PPFIA1: variants seen among roughly 807,000 people sequenced by gnomAD.
PPFIA1 encodes the protein PPFI scaffold protein A1, also known as liprin-alpha-1.
In PPFIA1, 25 loss-of-function variants were observed where a neutral mutation model predicts 149.9. The ratio of observed to expected loss-of-function variants is 0.17; its 90% CI spans 0.12 to 0.23. PPFIA1 has a LOEUF of 0.23. PPFIA1 is among the 10% of genes least tolerant of loss of function. PPFIA1 has a pLI of 1.00. For missense variants in PPFIA1, 1,362 were observed against 1,506.5 expected (o/e 0.90, Z 1.59); for synonymous variants, 549 against 552.8 (o/e 0.99, Z 0.10).
chr11:70,353,830 C>T (rs546346086), intron 16 of PPFIA1, among the ~76,000 whole-genome samples: 22 of 152,282 alleles, frequency 1.4e-4, no homozygotes, highest in Admixed American at 1.3e-3. Context: ...GACAATTTTG[C>T]CCAAGTGGTT....
intron 17 of PPFIA1, among the ~76,000 whole-genome samples, chr11:70,354,928 A>G (rs1380543735): frequency 6.6e-6 from 1 of 151,924 alleles, no homozygotes; most frequent in Non-Finnish European, 1.5e-5. Context: ...CTAGTATGCT[A>G]TCTATGCTAT....
At chr11:70,356,346 G>A (rs191800791) in intron 19 of PPFIA1, 92 bp downstream of exon 19, 3 of 885,344 alleles carry the variant, frequency 3.4e-6, no homozygotes, top group South Asian at 3.0e-5. Context: ...AGCTAGCTAT[G>A]TATATATACA....
Position 70,279,183 on chromosome 11 carries a change from G to C in PPFIA1, c.264+6747G>C, listed in dbSNP as rs2050591653. 29 of 440,182 alleles carry C rather than the reference G, an allele frequency of 6.6e-5. 1 individual carries two copies. In the South Asian group the frequency reaches 8.6e-4, roughly 13 times the overall value. 27.3% of individuals were successfully genotyped at this position (440,182 alleles called of 1,614,324 possible). On this transcript the variant is annotated intron_variant, in intron 2 of 27. Transcript: ENST00000253925. Reference sequence around the variant, plus strand: ...CACACGTCCAGGACTGATTGTCCTAGATTTCAGGTGTCAGTGAATACGGCC... The same window carrying C: ...CACACGTCCAGGACTGATTGTCCTACATTTCAGGTGTCAGTGAATACGGCC...
chr11:70,301,863 A>G (rs2052504754), intron 2 of PPFIA1, among the ~76,000 whole-genome samples: 2 of 152,216 alleles, frequency 1.3e-5, no homozygotes, highest in African/African-American at 4.8e-5. Flanking sequence ...TACGCAGCAC[A>G]TGAATGTTTC....
chr11:70,338,747 C>T (rs1049134408), intron 13 of PPFIA1, among the ~76,000 whole-genome samples: 1 of 152,244 alleles, frequency 6.6e-6, no homozygotes, highest in Non-Finnish European at 1.5e-5. Flanking sequence ...TGACAGATCC[C>T]AAGATCTCAC....
At chr11:70,292,284 A>G (rs2051588448) in intron 2 of PPFIA1, among the ~76,000 whole-genome samples, 1 of 152,192 alleles carries the variant, frequency 6.6e-6, no homozygotes, top group African/African-American at 2.4e-5. Context: ...ACACTCGGCC[A>G]GTGAATAGTT....
intron 11 of PPFIA1, 81 bp from the exon 12 acceptor site, chr11:70,337,284 T>C: frequency 1.0e-6 from 1 of 992,706 alleles, no homozygotes; most frequent in East Asian, 2.7e-5. Context: ...TGGTCCTTTT[T>C]TTTTTTAAAC....
At chr11:70,288,966 T>G (rs1565347585) in intron 2 of PPFIA1, among the ~76,000 whole-genome samples, 1 of 144,076 alleles carries the variant, frequency 6.9e-6, no homozygotes, top group Non-Finnish European at 1.5e-5. Flanking sequence ...AGCATCTGGT[T>G]GTTTTTTTTT....
chr11:70,305,881 A>G (rs1432800746), intron 2 of PPFIA1, among the ~76,000 whole-genome samples: 3 of 152,204 alleles, frequency 2.0e-5, no homozygotes, highest in South Asian at 2.1e-4. Flanking sequence ...CTAACTAGTG[A>G]TAAGTTTATG....
In PPFIA1 at chr11:70,348,278, G is replaced by T. The variant is rs749396415; in HGVS notation, c.2021G>T (p.Arg674Leu). 8.7e-6 allele frequency: 14 copies of T among 1,614,116 alleles called. No individual in the cohort carries two copies. Among genetic ancestry groups the T allele is most frequent in the Non-Finnish European group, 1.1e-5 (13 of 1,180,044 alleles). Residue 674 changes from arginine (R) to leucine (L), a missense_variant, in exon 16 of 28, where the codon CGT (arginine) becomes CTT (leucine). Around this residue, in one of 7 missense-constraint regions of PPFIA1, gnomAD observed 733 missense variants for 744.1 expected, o/e 0.99. Coordinates refer to ENST00000253925, the MANE Select transcript of PPFIA1 (RefSeq NM_003626.5). ...AGTGGAAGTCTAGACAATCTTGGTC[G>T]TTTTAGATCAATGAGCTCCATTCCC... Reference protein sequence around the residue: ...VGSGSLDNLGRFRSMSSIPPY... With the variant: ...VGSGSLDNLGLFRSMSSIPPY...
In PPFIA1 at chr11:70,362,338, G is replaced by GA; in HGVS notation, c.2719dup (p.Ser907LysfsTer16). ...ATGTGGCTGCCTGCCGAGCAAACGT[G>GA]AAAAGCGGGGCCATCATGTCGGCCC... On this transcript the variant is annotated frameshift_variant, in exon 21 of 28. Coordinates refer to ENST00000253925, the MANE Select transcript of PPFIA1 (RefSeq NM_003626.5). LOFTEE classifies it high-confidence loss of function. 1 of 1,614,212 alleles carries GA rather than the reference G, an allele frequency of 6.2e-7. No homozygotes were observed. Among genetic ancestry groups the GA allele is most frequent in the Non-Finnish European group, 8.5e-7 (1 of 1,180,044 alleles).
chr11:70,297,410 A>G (rs1446732435), intron 2 of PPFIA1, among the ~76,000 whole-genome samples: 1 of 151,838 alleles, frequency 6.6e-6, no homozygotes, highest in Non-Finnish European at 1.5e-5. Context: ...TGTCTCTAAA[A>G]TGAAAAAAAA....
In PPFIA1 at chr11:70,270,779, CCCGGGGCCGCGGCGTGGGGCGGGCA is replaced by C. The variant is rs1232671759; in HGVS notation, c.-135_-111del. ...GGCCTTAGTGACTGGGGCGGCGGGCCCCGGGGCCGCGGCGTGGGGCGGGCAGGCGGACGCCGGCCGCGGGCTGCTT... is the reference window on the plus strand; with the variant it reads ...GGCCTTAGTGACTGGGGCGGCGGGCCGGCGGACGCCGGCCGCGGGCTGCTT... On this transcript the variant is annotated 5_prime_UTR_variant, in exon 1 of 28. Coordinates refer to ENST00000253925, the MANE Select transcript of PPFIA1 (RefSeq NM_003626.5). The C allele has an allele frequency of 1.3e-5, 2 of 150,134 alleles. No individual in the cohort carries two copies. Among genetic ancestry groups the C allele is most frequent in the Non-Finnish European group, 3.0e-5 (2 of 67,320 alleles). The allele number at this position is 150,134 out of a possible 1,614,324, so 9.3% of individuals were successfully genotyped here. A position where few individuals can be genotyped will look rare whatever the true frequency, so the allele number is the denominator to read the frequency against.
chr11:70,324,972 G>A lies in PPFIA1; in HGVS notation c.492G>A (p.Leu164=), dbSNP rs1455008368. The A allele has an allele frequency of 2.5e-6, 4 of 1,613,256 alleles. No homozygotes were observed. Among genetic ancestry groups the A allele is most frequent in the Non-Finnish European group, 1.7e-6 (2 of 1,179,852 alleles). Residue 164 remains leucine (L), a synonymous_variant, in exon 4 of 28, where the codon CTG becomes CTA. Transcript: ENST00000253925. The stretch of plus-strand genomic sequence containing the variant: ...GCGAAGTGGAAGTGCTGAAAGCACT[G>A]AAGTCCTTATTTGAACACCACAAAG... ...VSSEVEVLKA[L]KSLFEHHKAL...
rs191137546 is a variant in PPFIA1, at chr11:70,308,248, A to G, written c.265-16154A>G. 5.9e-3 allele frequency among the ~76,000 whole-genome samples: 897 copies of G among 152,256 alleles called. 6 individuals are homozygous for G. The highest frequency in any genetic ancestry group is 0.021 in the African/African-American group (859 of 41,538). On this transcript the variant is annotated intron_variant, in intron 2 of 27. Coordinates refer to ENST00000253925, the MANE Select transcript of PPFIA1 (RefSeq NM_003626.5). Reference sequence around the variant, plus strand: ...TTTTTAGCAGAGACGGGGTTTCTCCATGTTGGTCAGGCTGGTCTCAAACTC... The same window carrying G: ...TTTTTAGCAGAGACGGGGTTTCTCCGTGTTGGTCAGGCTGGTCTCAAACTC...
chr11:70,356,101 T>TG (rs1275505524), intron 18 of PPFIA1, 60 bp from the exon 19 acceptor site: 2 of 1,352,310 alleles, frequency 1.5e-6, no homozygotes, highest in Non-Finnish European at 2.1e-6. Context: ...TGCCTATTTA[T>TG]GAAAACATAG....
At chr11:70,307,486 T>TAAAC (rs2052928804) in intron 2 of PPFIA1, among the ~76,000 whole-genome samples, 1 of 152,092 alleles carries the variant, frequency 6.6e-6, no homozygotes, top group Non-Finnish European at 1.5e-5. Flanking sequence ...AATCTCTAGA[T>TAAAC]AAACAGGAAA....
chr11:70,300,779 C>T (rs1258435202), intron 2 of PPFIA1, among the ~76,000 whole-genome samples: 10 of 152,140 alleles, frequency 6.6e-5, no homozygotes, highest in East Asian at 3.9e-4. Context: ...GTGATCCGCC[C>T]GCCTTGGCCT....
At chr11:70,373,423 C>G (rs1019280868) in intron 23 of PPFIA1, 3 of 150,598 alleles carry the variant, frequency 2.0e-5, no homozygotes, top group Non-Finnish European at 4.4e-5. Flanking sequence ...GAGACAGGGT[C>G]TCGCTATGTT....
Sources: gnomAD v4.1 joint callset for allele counts (sites outside exome capture counted in the v4.1 genomes callset) on GRCh38, gnomAD v4.1.1 for gene constraint, gnomAD v4.1.1 regional missense constraint, MANE v1.5 for transcripts, NCBI Gene and HGNC (gene_info 2026-07-23, HGNC 2026-07-21) for gene names.